Variants in SEMA5A observed in about 807,000 individuals in gnomAD.
SEMA5A encodes the protein semaphorin-5A.
A neutral mutation model predicts 135.5 loss-of-function variants in SEMA5A; 55 were observed. The observed-to-expected ratio is 0.41, with a 90% CI of 0.33 to 0.51. The LOEUF (loss-of-function observed/expected upper bound fraction) is 0.51, where lower values mean the gene tolerates loss of function less well. SEMA5A is among the 20% of genes least tolerant of loss of function. The pLI is 0.37. For synonymous variants in SEMA5A, 580 were observed against 546.5 expected (o/e 1.06, Z -0.85); for missense variants, 1,290 against 1,419.9 (o/e 0.91, Z 1.47).
chr5:9,051,125 C>T (rs933668512), intron 20 of SEMA5A, among the ~76,000 whole-genome samples: 3 of 152,240 alleles, frequency 2.0e-5, no homozygotes, highest in African/African-American at 7.2e-5. Context: ...ATAACAACCA[C>T]TCTTATAGTT....
chr5:9,084,756 A>G (rs184480569), intron 16 of SEMA5A, among the ~76,000 whole-genome samples: 18 of 152,348 alleles, frequency 1.2e-4, no homozygotes, highest in African/African-American at 4.3e-4. Flanking sequence ...ATACTGCTGA[A>G]AAGATACCCC....
intron 10 of SEMA5A, among the ~76,000 whole-genome samples, chr5:9,190,712 A>T (rs1443675344): frequency 6.6e-6 from 1 of 152,186 alleles, no homozygotes; most frequent in Non-Finnish European, 1.5e-5. Flanking sequence ...ACTGATCAGA[A>T]GTTAAAAAAA....
Position 9,190,385 on chromosome 5 carries a change from C to A in SEMA5A, c.1155G>T (p.Val385=). Reference sequence around the variant, plus strand: ...AGGGCACTGTGGTCACTGGCTGTACCACCTCATGCATCAGAATGAACTTCT... The same window carrying A: ...AGGGCACTGTGGTCACTGGCTGTACAACCTCATGCATCAGAATGAACTTCT... ...DAQKFILMHE[V]VQPVTTVPSF... Residue 385 remains valine, a synonymous_variant, in exon 11 of 23, where the codon GTG becomes GTT. Transcript: ENST00000382496. 3 of 1,613,992 alleles carry A rather than the reference C, an allele frequency of 1.9e-6. No homozygotes were observed. Among genetic ancestry groups the A allele is most frequent in the African/African-American group, 2.7e-5 (2 of 74,986 alleles).
At chr5:9,142,899 C>A (rs1200597609) in intron 12 of SEMA5A, among the ~76,000 whole-genome samples, 1 of 152,198 alleles carries the variant, frequency 6.6e-6, no homozygotes, top group East Asian at 1.9e-4. Context: ...CTGCAGTGAG[C>A]TGAGATCGTG....
intron 16 of SEMA5A, among the ~76,000 whole-genome samples, chr5:9,103,055 C>T (rs1005448375): frequency 6.6e-6 from 1 of 152,114 alleles, no homozygotes; most frequent in Non-Finnish European, 1.5e-5. Context: ...AGATCTTTCC[C>T]ATTAATCTCA....
At chr5:9,053,419 T>C (rs1736704751) in intron 19 of SEMA5A, among the ~76,000 whole-genome samples, 1 of 152,360 alleles carries the variant, frequency 6.6e-6, no homozygotes, top group African/African-American at 2.4e-5. Flanking sequence ...GCTGTGCTCC[T>C]CCACTTACTG....
chr5:9,478,495 G>A (rs868565537), intron 1 of SEMA5A, among the ~76,000 whole-genome samples: 6 of 152,230 alleles, frequency 3.9e-5, no homozygotes, highest in Non-Finnish European at 8.8e-5. Context: ...ACAGGGTCAA[G>A]GCTGCCCAAG....
chr5:9,518,596 G>T (rs528711520), intron 1 of SEMA5A, among the ~76,000 whole-genome samples: 1 of 152,132 alleles, frequency 6.6e-6, no homozygotes, highest in Non-Finnish European at 1.5e-5. Context: ...CCTACTCACT[G>T]CCCAGAAATT....
At chr5:9,218,632 T>C (rs961804143) in intron 8 of SEMA5A, among the ~76,000 whole-genome samples, 15 of 152,128 alleles carry the variant, frequency 9.9e-5, no homozygotes, top group African/African-American at 1.9e-4. Context: ...AACACAAAAA[T>C]GTTGCAAAAA....
chr5:9,453,059 C>A (rs553915346), intron 1 of SEMA5A, among the ~76,000 whole-genome samples: 1 of 152,282 alleles, frequency 6.6e-6, no homozygotes, highest in African/African-American at 2.4e-5. Flanking sequence ...AGTCTAAACA[C>A]GTACTTTATA....
At chr5:9,408,155 AC>A (rs767469203) in intron 2 of SEMA5A, among the ~76,000 whole-genome samples, 5 of 151,274 alleles carry the variant, frequency 3.3e-5, no homozygotes, top group Non-Finnish European at 5.9e-5. Context: ...CATTATCACC[AC>A]CACCACCACC....
At chr5:9,062,497 G>T (rs1283992352) in intron 18 of SEMA5A, among the ~76,000 whole-genome samples, 1 of 152,076 alleles carries the variant, frequency 6.6e-6, no homozygotes, top group Non-Finnish European at 1.5e-5. Flanking sequence ...ACAAGGTCTC[G>T]CTCTGTTACC....
intron 13 of SEMA5A, among the ~76,000 whole-genome samples, chr5:9,123,086 C>G (rs1446580628): frequency 6.6e-6 from 1 of 151,104 alleles, no homozygotes; most frequent in African/African-American, 2.4e-5. Flanking sequence ...AACCCCGTCT[C>G]CACTAAAAAT....
intron 1 of SEMA5A, among the ~76,000 whole-genome samples, chr5:9,533,316 G>T (rs1737562298): frequency 6.6e-6 from 1 of 152,146 alleles, no homozygotes. Context: ...TGCTCCTCTG[G>T]AATGCAGGAA....
In SEMA5A at chr5:9,157,015, A is replaced by G. The variant is rs548876870; in HGVS notation, c.1274-2320T>C. Among the ~76,000 whole-genome samples, 5 of 152,374 alleles carry G rather than the reference A, an allele frequency of 3.3e-5. No individual in the cohort carries two copies. In the South Asian group the frequency reaches 1.0e-3, roughly 32 times the overall value. ...CTGATTTTCCAACTAGTGGGAACTA[A>G]CAAAACTACAGGGCTTAGCATTTCA... is the stretch of plus-strand genomic sequence containing the variant. On this transcript the variant is annotated intron_variant, in intron 11 of 22. Transcript: ENST00000382496.
chr5:9,388,919 A>G (rs1387147304), intron 2 of SEMA5A, among the ~76,000 whole-genome samples: 4 of 152,024 alleles, frequency 2.6e-5, no homozygotes, highest in Admixed American at 2.6e-4. Context: ...AGAAAGAAAG[A>G]AAGAAAAAAA....
chr5:9,043,037 A>AC (rs1369976084), intron 22 of SEMA5A, 21 bp from the exon 23 acceptor site: 3 of 1,589,838 alleles, frequency 1.9e-6, no homozygotes, highest in Non-Finnish European at 2.6e-6. Flanking sequence ...TATTAAAAAA[A>AC]AACAGGTTTA....
chr5:9,165,182 T>A (rs1344211356), intron 11 of SEMA5A, among the ~76,000 whole-genome samples: 1 of 151,698 alleles, frequency 6.6e-6, no homozygotes, highest in Non-Finnish European at 1.5e-5. Flanking sequence ...CCAAAACACT[T>A]CCAAAACAGA....
chr5:9,126,718 G>A (rs1016701087), intron 13 of SEMA5A, among the ~76,000 whole-genome samples: 9 of 152,198 alleles, frequency 5.9e-5, no homozygotes, highest in African/African-American at 1.7e-4. Flanking sequence ...AATCACAGCA[G>A]TGTTCAAACT....
Sources: gnomAD v4.1 joint callset for allele counts (sites outside exome capture counted in the v4.1 genomes callset) on GRCh38, gnomAD v4.1.1 for gene constraint, MANE v1.5 for transcripts, NCBI Gene and HGNC (gene_info 2026-07-23, HGNC 2026-07-21) for gene names.